DMD: variants seen among roughly 807,000 people sequenced by gnomAD.
DMD encodes dystrophin, also known as mutant dystrophin.
A neutral mutation model predicts 330.1 loss-of-function variants in DMD; 63 were observed. The observed-to-expected ratio is 0.19, with a 90% confidence interval of 0.16 to 0.24. The LOEUF (loss-of-function observed/expected upper bound fraction) is 0.24, where lower values mean the gene tolerates loss of function less well. DMD is among the 10% of genes least tolerant of loss of function. The pLI, the probability that DMD is intolerant of heterozygous loss-of-function variation, is 1.00. For synonymous variants in DMD, 1,223 were observed against 959.8 expected (o/e 1.27, Z -5.07); for missense variants, 3,344 against 2,684.1 (o/e 1.25, Z -5.43).
intron 1 of DMD, among the ~76,000 whole-genome samples, chrX:33,147,756 G>A (rs985997246): frequency 9.0e-6 from 1 of 111,074 alleles, no homozygotes; most frequent in Non-Finnish European, 1.9e-5. Flanking sequence ...AATTGGTCTC[G>A]AGTATCATTG....
At chrX:33,065,372 T>C (rs993137276) in intron 1 of DMD, among the ~76,000 whole-genome samples, 1 of 112,692 alleles carries the variant, frequency 8.9e-6, no homozygotes, top group African/African-American at 3.2e-5. Context: ...TGTAGAGTTC[T>C]TCACTTTCAA....
At chrX:32,837,680 C>A (rs1369385641) in intron 4 of DMD, among the ~76,000 whole-genome samples, 2 of 111,827 alleles carry the variant, frequency 1.8e-5, no homozygotes, top group Admixed American at 1.9e-4. Flanking sequence ...AGTTAATACA[C>A]TTGACTTCAC....
intron 7 of DMD, among the ~76,000 whole-genome samples, chrX:32,778,652 T>A (rs1490718140): frequency 8.9e-6 from 1 of 111,855 alleles, no homozygotes; most frequent in Non-Finnish European, 1.9e-5. Flanking sequence ...CTAGCTTTTA[T>A]AGACCTCCAA....
chrX:33,098,916 GAGGAAGTAACTTGTTTCCACA>G (rs967807493), intron 1 of DMD, among the ~76,000 whole-genome samples: 12 of 111,638 alleles, frequency 1.1e-4, no homozygotes, highest in Admixed American at 1.1e-3. Context: ...ACAAAGGAAG[GAGGAAGTAACTTGTTTCCACA>G]AGTTACTTGC....
At chrX:32,890,284 A>G (rs1055423812) in intron 2 of DMD, among the ~76,000 whole-genome samples, 1 of 111,633 alleles carries the variant, frequency 9.0e-6, no homozygotes, top group African/African-American at 3.3e-5. Flanking sequence ...GGACTGCTTT[A>G]TATGTTCTGG....
chrX:31,418,819 G>A (rs1451985094), intron 60 of DMD, among the ~76,000 whole-genome samples: 17 of 112,658 alleles, frequency 1.5e-4, no homozygotes, highest in Non-Finnish European at 1.9e-5. Flanking sequence ...ACATTTTCAT[G>A]CAAATGTCTT....
intron 55 of DMD, among the ~76,000 whole-genome samples, chrX:31,511,540 T>A (rs762173693): frequency 5.4e-5 from 5 of 92,447 alleles, no homozygotes; most frequent in Non-Finnish European, 8.3e-5. Flanking sequence ...TGTCCATGTG[T>A]TCTCATTGTT....
intron 74 of DMD, among the ~76,000 whole-genome samples, chrX:31,154,293 TTTTTTTA>T (rs1293739067): frequency 9.0e-6 from 1 of 110,547 alleles, no homozygotes; most frequent in East Asian, 2.8e-4. Context: ...TTTTTTTTTA[TTTTTTTA>T]TTTTTTATTT....
chrX:32,608,957 G>A (rs180957313), intron 12 of DMD, among the ~76,000 whole-genome samples: 1 of 110,714 alleles, frequency 9.0e-6, no homozygotes, highest in East Asian at 2.9e-4. Flanking sequence ...ACCACTAAAA[G>A]CACCACTTGA....
At chrX:33,299,138 T>A in intron 1 of DMD, among the ~76,000 whole-genome samples, 1 of 112,079 alleles carries the variant, frequency 8.9e-6, no homozygotes, top group Admixed American at 9.5e-5. Context: ...ATAAGCAAGG[T>A]CTGCAAATTT....
intron 44 of DMD, among the ~76,000 whole-genome samples, chrX:32,191,752 A>G (rs1300805267): frequency 1.8e-5 from 2 of 112,098 alleles, no homozygotes; most frequent in Non-Finnish European, 3.8e-5. Context: ...TAGATTACTT[A>G]TAATACTTAA....
intron 37 of DMD, among the ~76,000 whole-genome samples, chrX:32,351,540 G>A (rs1386467193): frequency 9.2e-6 from 1 of 108,572 alleles, no homozygotes; most frequent in African/African-American, 3.3e-5. Context: ...GCATACCACA[G>A]ATACAGTCAG....
chrX:31,398,983 G>A (rs183939188), intron 60 of DMD, among the ~76,000 whole-genome samples: 32 of 108,832 alleles, frequency 2.9e-4, no homozygotes, highest in Non-Finnish European at 5.1e-4. Context: ...AACACCGTAC[G>A]GGCCCTGCAG....
chrX:33,123,476 G>T (rs1316607435), intron 1 of DMD, among the ~76,000 whole-genome samples: 1 of 111,057 alleles, frequency 9.0e-6, no homozygotes, highest in Non-Finnish European at 1.9e-5. Context: ...GAGTGCAGGG[G>T]TGCGATCTCG....
intron 9 of DMD, among the ~76,000 whole-genome samples, chrX:32,666,589 T>C (rs143284578): frequency 0.033 from 3,641 of 110,737 alleles, 155 homozygotes; most frequent in African/African-American, 0.11. Flanking sequence ...CACATTTTCT[T>C]TATCCAGTCT....
chrX:32,489,486 G>A (rs1315491570), intron 20 of DMD, among the ~76,000 whole-genome samples: 2 of 111,057 alleles, frequency 1.8e-5, no homozygotes, highest in Non-Finnish European at 3.8e-5. Flanking sequence ...GACAGAGTGA[G>A]AAGTTGGTTA....
At chrX:33,197,016 G>T (rs1286323798) in intron 1 of DMD, among the ~76,000 whole-genome samples, 1 of 111,134 alleles carries the variant, frequency 9.0e-6, no homozygotes, top group African/African-American at 3.3e-5. Flanking sequence ...AGGACATATA[G>T]AATACGGCCT....
intron 9 of DMD, among the ~76,000 whole-genome samples, chrX:32,682,677 A>T (rs751100391): frequency 6.2e-5 from 7 of 112,161 alleles, no homozygotes; most frequent in Non-Finnish European, 1.1e-4. Flanking sequence ...TTCTGACAAC[A>T]TAAATTTAGC....
At chrX:32,627,022 C>G (rs774235773) in intron 11 of DMD, among the ~76,000 whole-genome samples, 3 of 104,438 alleles carry the variant, frequency 2.9e-5, no homozygotes, top group East Asian at 5.7e-4. Context: ...GACGTCCCAG[C>G]CCCATTCCCC....
Sources: gnomAD v4.1 joint callset for allele counts (sites outside exome capture counted in the v4.1 genomes callset) on GRCh38, gnomAD v4.1.1 for gene constraint, MANE v1.5 for transcripts, NCBI Gene and HGNC (gene_info 2026-07-23, HGNC 2026-07-21) for gene names.